The following SLC25A17 variants were observed in gnomAD, a reference collection of about 807,000 sequenced individuals.
SLC25A17 encodes the protein solute carrier family 25 member 17.
SLC25A17 carries 26 observed loss-of-function variants against 38.5 expected under a neutral mutation model. That is an observed-to-expected ratio of 0.68 (90% CI 0.50 to 0.94). The LOEUF is 0.94. SLC25A17 is among the 40% of genes least tolerant of loss of function. The pLI is 0.00. For missense variants in SLC25A17, 333 were observed against 372.7 expected, an observed-to-expected ratio of 0.89 and a Z score of 0.88; for synonymous variants, 139 against 136.2, an observed-to-expected ratio of 1.02 and a Z score of -0.14.
At chr22:40,784,870 T>TTG (rs2057324903) in intron 4 of SLC25A17, among the ~76,000 whole-genome samples, 1 of 152,088 alleles carries the variant, frequency 6.6e-6, no homozygotes, top group African/African-American at 2.4e-5. Context: ...TACCTGGATC[T>TTG]TGTGCCAATC....
At chr22:40,776,975 A>T in intron 7 of SLC25A17, 65 bp downstream of exon 7, 1 of 1,308,556 alleles carries the variant, frequency 7.6e-7, no homozygotes, top group Non-Finnish European at 1.1e-6. Context: ...ACATTGTTTT[A>T]AATCAAGAGA....
At position 40,777,228 on chromosome 22, in the gene SLC25A17, C is replaced by T. The variant is rs1388322160; in HGVS notation, c.597G>A (p.Lys199=). The T allele has an allele frequency of 6.2e-7, 1 of 1,613,900 alleles. No homozygotes were observed. Among genetic ancestry groups the T allele is most frequent in the East Asian group, 2.2e-5 (1 of 44,876 alleles). ...TACTGCTTTCAAAATCAAGGATTAC[C>T]TTCATCCGTTTCTTTAAAAGCTGCC... ...LKRQLLKKRM[K]LSSLDVFIIG... Residue 199 remains lysine, a splice_region_variant and synonymous_variant, in exon 6 of 9, where the codon AAG becomes AAA. Coordinates refer to ENST00000435456, the MANE Select transcript of SLC25A17 (RefSeq NM_006358.4).
At chr22:40,775,778 TAGG>T (rs2057237274) in intron 7 of SLC25A17, among the ~76,000 whole-genome samples, 1 of 152,220 alleles carries the variant, frequency 6.6e-6, no homozygotes. Flanking sequence ...GATGGTTTTA[TAGG>T]AGGAGTTCCC....
chr22:40,806,306 C>T (rs1357613438), intron 1 of SLC25A17, among the ~76,000 whole-genome samples: 7 of 152,102 alleles, frequency 4.6e-5, no homozygotes, highest in African/African-American at 7.2e-5. Context: ...TGTTAGAAAA[C>T]GTAAGTGTAA....
At chr22:40,797,309 T>C (rs777803764) in intron 2 of SLC25A17, 12 of 1,301,596 alleles carry the variant, frequency 9.2e-6, no homozygotes, top group Non-Finnish European at 1.2e-5. Flanking sequence ...AGTTCTGGCA[T>C]AGGTTTACAA....
chr22:40,796,066 G>A (rs1281437402), intron 2 of SLC25A17, among the ~76,000 whole-genome samples: 1 of 152,132 alleles, frequency 6.6e-6, no homozygotes, highest in Non-Finnish European at 1.5e-5. Context: ...TGGGATTACA[G>A]GCGTCAGCCA....
Position 40,793,986 on chromosome 22 carries a change from T to G in SLC25A17, c.182+528A>C, listed in dbSNP as rs190877079. On this transcript the variant is annotated intron_variant, in intron 3 of 8. Transcript: ENST00000435456. ...TAATTCAGAGGAAATTTGTGTGTGGTGTGTGTAAGGAGAGAAGGGAGGTGG... is the reference window on the plus strand; with the variant it reads ...TAATTCAGAGGAAATTTGTGTGTGGGGTGTGTAAGGAGAGAAGGGAGGTGG... Among the ~76,000 whole-genome samples the G allele has an allele frequency of 4.1e-4, 63 of 152,194 alleles. 1 individual carries two copies. In the East Asian group the frequency reaches 9.5e-3, roughly 23 times the overall value.
intron 2 of SLC25A17, among the ~76,000 whole-genome samples, chr22:40,795,859 C>G (rs1284353795): frequency 2.0e-5 from 3 of 152,092 alleles, no homozygotes; most frequent in Admixed American, 1.3e-4. Context: ...GCGGTCTCGG[C>G]TCACTGCAAC....
chr22:40,795,603 A>G (rs1398511956), intron 2 of SLC25A17, among the ~76,000 whole-genome samples: 2 of 151,742 alleles, frequency 1.3e-5, no homozygotes, highest in South Asian at 2.1e-4. Flanking sequence ...TTTATTTCTT[A>G]TATTTCATAA....
chr22:40,792,714 GA>G (rs2057395377), intron 3 of SLC25A17, 38 bp from the exon 4 acceptor site: 1 of 1,604,046 alleles, frequency 6.2e-7, no homozygotes, highest in African/African-American at 1.3e-5. Flanking sequence ...AAAGGTCATG[GA>G]CAAATTAGAA....
chr22:40,786,048 C>T (rs1161885679), intron 4 of SLC25A17, among the ~76,000 whole-genome samples: 5 of 152,112 alleles, frequency 3.3e-5, no homozygotes, highest in African/African-American at 7.2e-5. Context: ...CAGTGGCTCA[C>T]GCCTGTAATC....
chr22:40,801,147 A>C (rs954109297), intron 1 of SLC25A17, among the ~76,000 whole-genome samples: 1 of 129,218 alleles, frequency 7.7e-6, no homozygotes, highest in African/African-American at 3.7e-5. Context: ...ATATATATAT[A>C]TATATATATA....
chr22:40,816,637 T>C (rs1294358861), intron 1 of SLC25A17, among the ~76,000 whole-genome samples: 1 of 150,412 alleles, frequency 6.6e-6, no homozygotes, highest in Non-Finnish European at 1.5e-5. Flanking sequence ...TGAGACGGAG[T>C]CTTGCTCTTG....
Position 40,815,082 on chromosome 22 carries a change from G to A in SLC25A17, c.54+4113C>T, listed in dbSNP as rs538578042. 7.2e-5 allele frequency among the ~76,000 whole-genome samples: 11 copies of A among 152,170 alleles called. 1 individual carries two copies. In the South Asian group the frequency reaches 2.1e-3, roughly 29 times the overall value. ...GATCTGCCCGCCTCAGCCTCCCAAA[G>A]TGCTGGGATTACAGGTGTGAGCCAC... is the stretch of plus-strand genomic sequence containing the variant. On this transcript the variant is annotated intron_variant, in intron 1 of 8. Transcript: ENST00000435456.
chr22:40,801,128 CATATATATATATATATATATAT>C lies in SLC25A17; in HGVS notation c.55-2067_55-2046del, dbSNP rs60780380. On this transcript the variant is annotated intron_variant, in intron 1 of 8. Transcript: ENST00000435456. ...AAAGAAAAAAGAAAAAAATATATTA[CATATATATATATATATATATAT>C]ATATATATATATATATATGTAAATG... Among the ~76,000 whole-genome samples, 332 of 101,200 alleles carry C rather than the reference CATATATATATATATATATATAT, an allele frequency of 3.3e-3. 5 individuals carry two copies. The highest frequency in any genetic ancestry group is 9.9e-3 in the African/African-American group (274 of 27,816). 66.4% of individuals were successfully genotyped at this position (101,200 alleles called of 152,430 possible). A position where few individuals can be genotyped will look rare whatever the true frequency, so the allele number is the denominator to read the frequency against.
rs6002153 is a variant in SLC25A17, at chr22:40,804,072, G to A, written c.55-4989C>T. On this transcript the variant is annotated intron_variant, in intron 1 of 8. Transcript: ENST00000435456. ...GACGACACTGACACAGGCACACTGG[G>A]TTCTGCTTTCCTTATATCCCCCTTC... Among the ~76,000 whole-genome samples, 547 of 152,206 alleles carry A rather than the reference G, an allele frequency of 3.6e-3. 5 individuals are homozygous for A. The highest frequency in any genetic ancestry group is 0.013 in the African/African-American group (526 of 41,522).
At chr22:40,808,027 A>G (rs770725703) in intron 1 of SLC25A17, among the ~76,000 whole-genome samples, 20 of 152,148 alleles carry the variant, frequency 1.3e-4, no homozygotes, top group Non-Finnish European at 2.8e-4. Context: ...ACTTACATAA[A>G]ATTAGAAGGC....
chr22:40,799,424 C>T (rs1440880862), intron 1 of SLC25A17: 3 of 156,006 alleles, frequency 1.9e-5, no homozygotes, highest in African/African-American at 7.8e-5. Context: ...AGTGCAGTGG[C>T]ACGATCTCAA....
At chr22:40,818,563 G>T (rs1167846221) in intron 1 of SLC25A17, among the ~76,000 whole-genome samples, 1 of 151,936 alleles carries the variant, frequency 6.6e-6, no homozygotes, top group Non-Finnish European at 1.5e-5. Flanking sequence ...AAATGTAGCC[G>T]GGTGTGGTGG....
Sources: allele counts gnomAD v4.1 joint callset (sites outside exome capture counted in the v4.1 genomes callset), GRCh38; gene constraint gnomAD v4.1.1; transcripts MANE v1.5; gene names NCBI Gene and HGNC (gene_info 2026-07-23, HGNC 2026-07-21).